The following PPP1R1C variants were observed in gnomAD, a reference collection of about 807,000 sequenced individuals.
PPP1R1C encodes the protein protein phosphatase 1 regulatory subunit 1C.
A neutral mutation model predicts 17.4 loss-of-function variants in PPP1R1C; 15 were observed. The ratio of observed to expected loss-of-function variants is 0.86; its 90% CI spans 0.58 to 1.33. The LOEUF is 1.33. Ranked by LOEUF, PPP1R1C falls within the 40% of genes most tolerant of loss-of-function variation. PPP1R1C has a pLI of 0.00. For missense variants in PPP1R1C, 143 were observed against 130.0 expected, an observed-to-expected ratio of 1.10 and a Z score of -0.48; for synonymous variants, 35 against 43.1, an observed-to-expected ratio of 0.81 and a Z score of 0.73.
chr2:182,131,094 A>G (rs1010575658), downstream of PPP1R1C: 1 of 152,216 alleles, frequency 6.6e-6, no homozygotes, highest in Non-Finnish European at 1.5e-5. Flanking sequence ...CTATATCTGT[A>G]GAAGATAATT....
chr2:181,987,777 C>A (rs1175916246), intron 1 of PPP1R1C, 62 bp from the exon 2 acceptor site: 1 of 1,546,070 alleles, frequency 6.5e-7, no homozygotes, highest in South Asian at 1.1e-5. Context: ...TTGCAAGCTG[C>A]AGAGTAACCT....
intron 4 of PPP1R1C, among the ~76,000 whole-genome samples, chr2:182,110,024 C>T (rs1426916151): frequency 6.6e-6 from 1 of 152,154 alleles, no homozygotes; most frequent in Non-Finnish European, 1.5e-5. Context: ...GCCTTCTCTC[C>T]TAGTAAGCAA....
At chr2:182,067,726 G>C (rs1688026619) in intron 4 of PPP1R1C, among the ~76,000 whole-genome samples, 2 of 152,088 alleles carry the variant, frequency 1.3e-5, no homozygotes, top group Non-Finnish European at 2.9e-5. Context: ...TTGGGAAGTA[G>C]AAATGAAGAT....
At position 181,961,293 on chromosome 2, in the gene PPP1R1C, G is replaced by T. The variant is rs1684778637; in HGVS notation, n.111+6659G>T. 2.7e-6 allele frequency: 2 copies of T among 739,180 alleles called. No homozygotes were observed. The highest frequency in any genetic ancestry group is 1.4e-5 in the South Asian group (1 of 70,562). 45.8% of individuals were successfully genotyped at this position (739,180 alleles called of 1,614,324 possible). The stretch of plus-strand genomic sequence containing the variant: ...GGATGGTTTGCATGGAGTTGCTGTT[G>T]TCCAGGGCATCACCAAGATTGAAGT... On this transcript the variant is annotated intron_variant and non_coding_transcript_variant, in intron 1 of 5. Coordinates refer to the PPP1R1C transcript ENST00000464264. The surrounding 1 kb of genome is among the most constrained non-coding windows in gnomAD (Gnocchi z 5.8).
downstream of PPP1R1C, among the ~76,000 whole-genome samples, chr2:182,120,653 C>G (rs1350225557): frequency 6.6e-6 from 1 of 152,122 alleles, no homozygotes; most frequent in Non-Finnish European, 1.5e-5. Context: ...CTCAATGCCC[C>G]TTGAGAGTAT....
At chr2:182,021,723 A>G (rs1197607039) in intron 2 of PPP1R1C, among the ~76,000 whole-genome samples, 1 of 152,222 alleles carries the variant, frequency 6.6e-6, no homozygotes, top group African/African-American at 2.4e-5. Flanking sequence ...TCCTGAAAAG[A>G]AAAAGTATCA....
chr2:181,989,118 C>T (rs1002530812), intron 2 of PPP1R1C, among the ~76,000 whole-genome samples: 2 of 152,134 alleles, frequency 1.3e-5, no homozygotes, highest in African/African-American at 4.8e-5. Context: ...CTGCCTTGCT[C>T]ATGGTAGCAA....
At chr2:182,038,473 G>A (rs970231899) in intron 2 of PPP1R1C, among the ~76,000 whole-genome samples, 7 of 152,004 alleles carry the variant, frequency 4.6e-5, no homozygotes, top group African/African-American at 1.2e-4. Context: ...TTTTATTGAC[G>A]ACTTTAAGTG....
intron 2 of PPP1R1C, among the ~76,000 whole-genome samples, chr2:182,021,649 A>G (rs1686432965): frequency 6.6e-6 from 1 of 152,104 alleles, no homozygotes; most frequent in South Asian, 2.1e-4. Context: ...TTTTCTTAAG[A>G]TTTTAGATTC....
intron 4 of PPP1R1C, among the ~76,000 whole-genome samples, chr2:182,097,236 G>T (rs186350792): frequency 1.4e-3 from 207 of 152,192 alleles, no homozygotes; most frequent in African/African-American, 4.5e-3. Context: ...TCCTTTAAAT[G>T]TTCACTAACT....
At chr2:182,077,346 G>T (rs761859179) in intron 4 of PPP1R1C, among the ~76,000 whole-genome samples, 5 of 152,072 alleles carry the variant, frequency 3.3e-5, no homozygotes, top group Non-Finnish European at 5.9e-5. Context: ...TATGTGAATC[G>T]ACTTTAATTA....
intron 1 of PPP1R1C, among the ~76,000 whole-genome samples, chr2:181,958,050 A>G (rs1684700349): frequency 6.6e-6 from 1 of 152,176 alleles, no homozygotes; most frequent in Admixed American, 6.5e-5. Context: ...TGGGTTTCCA[A>G]TATAGCTGTT....
chr2:182,060,880 C>T (rs1687829220), intron 2 of PPP1R1C, among the ~76,000 whole-genome samples: 1 of 152,108 alleles, frequency 6.6e-6, no homozygotes, highest in Non-Finnish European at 1.5e-5. Context: ...TCCATCTCAC[C>T]GTTCCTCACA....
At chr2:182,003,403 G>T (rs947078493) in intron 2 of PPP1R1C, among the ~76,000 whole-genome samples, 4 of 151,958 alleles carry the variant, frequency 2.6e-5, no homozygotes, top group Non-Finnish European at 5.9e-5. Flanking sequence ...ACCTTTGATA[G>T]AATTTTTTTT....
chr2:181,955,472 A>T (rs999600927), intron 1 of PPP1R1C, among the ~76,000 whole-genome samples: 3 of 152,222 alleles, frequency 2.0e-5, no homozygotes, highest in Non-Finnish European at 4.4e-5. Context: ...TCAAGGAAAT[A>T]GTGTTACTAA....
intron 2 of PPP1R1C, among the ~76,000 whole-genome samples, chr2:182,029,685 T>C (rs1686752371): frequency 8.8e-6 from 1 of 113,704 alleles, no homozygotes; most frequent in African/African-American, 3.6e-5. Flanking sequence ...CTGACAATTA[T>C]GTGTCTTGGA....
At chr2:181,977,869 G>C (rs1245340520) in intron 2 of PPP1R1C, among the ~76,000 whole-genome samples, 1 of 152,198 alleles carries the variant, frequency 6.6e-6, no homozygotes, top group Non-Finnish European at 1.5e-5. Context: ...GTCTCATGGG[G>C]TAGCTGTGAT....
At chr2:182,084,094 C>T (rs1002722552) in intron 4 of PPP1R1C, among the ~76,000 whole-genome samples, 1 of 151,774 alleles carries the variant, frequency 6.6e-6, no homozygotes, top group African/African-American at 2.4e-5. Context: ...TGTCATTTGC[C>T]TAATTTTTAA....
chr2:182,121,188 G>A (rs1421361083), downstream of PPP1R1C, among the ~76,000 whole-genome samples: 1 of 151,920 alleles, frequency 6.6e-6, no homozygotes, highest in Non-Finnish European at 1.5e-5. Flanking sequence ...TTTGTAGCTG[G>A]ACTTTGAGTC....
Sources: gnomAD v4.1 joint callset for allele counts (sites outside exome capture counted in the v4.1 genomes callset) on GRCh38, gnomAD v4.1.1 for gene constraint, Gnocchi (gnomAD v3.1) non-coding constraint, MANE v1.5 for transcripts, NCBI Gene and HGNC (gene_info 2026-07-23, HGNC 2026-07-21) for gene names.